The following IQCJ variants were observed in gnomAD, a reference collection of about 807,000 sequenced individuals.
IQCJ encodes the protein IQ domain-containing protein J.
In IQCJ, 9 loss-of-function variants were observed where a neutral mutation model predicts 11.0. The observed-to-expected ratio is 0.82, with a 90% CI of 0.49 to 1.43. IQCJ has a LOEUF of 1.43. Among genes scored for constraint, IQCJ ranks in the 40% most tolerant of loss-of-function variants. The pLI, the probability that IQCJ is intolerant of heterozygous loss-of-function variation, is 0.00. For missense variants in IQCJ, 146 were observed against 133.2 expected (o/e 1.10, Z -0.47); for synonymous variants, 55 against 51.3 (o/e 1.07, Z -0.31).
intron 1 of IQCJ, among the ~76,000 whole-genome samples, chr3:159,091,571 A>T (rs992796738): frequency 1.3e-5 from 2 of 151,498 alleles, no homozygotes; most frequent in Non-Finnish European, 2.9e-5. Flanking sequence ...TTTGAGAGGG[A>T]CACAAACATT....
At chr3:159,137,575 C>T (rs1720369311) in intron 1 of IQCJ, among the ~76,000 whole-genome samples, 1 of 152,120 alleles carries the variant, frequency 6.6e-6, no homozygotes, top group South Asian at 2.1e-4. Context: ...ATCTCTGTTT[C>T]AGCCTTTTAA....
At chr3:159,175,786 C>T (rs1722760260) in intron 1 of IQCJ, among the ~76,000 whole-genome samples, 2 of 152,166 alleles carry the variant, frequency 1.3e-5, no homozygotes, top group South Asian at 4.1e-4. Flanking sequence ...ATGAATAGAG[C>T]TTCTATTTAC....
chr3:159,203,954 T>A (rs1045195740), intron 1 of IQCJ, among the ~76,000 whole-genome samples: 3 of 152,126 alleles, frequency 2.0e-5, no homozygotes, highest in African/African-American at 7.2e-5. Context: ...AATTTTTGTA[T>A]ATTTAACAGG....
At chr3:159,213,151 T>C (rs756694126) in intron 1 of IQCJ, among the ~76,000 whole-genome samples, 2 of 152,120 alleles carry the variant, frequency 1.3e-5, no homozygotes, top group African/African-American at 2.4e-5. Flanking sequence ...CCAGAACAGG[T>C]AAGAATGCCA....
At chr3:159,087,609 C>G (rs1230674460) in intron 1 of IQCJ, among the ~76,000 whole-genome samples, 2 of 147,234 alleles carry the variant, frequency 1.4e-5, no homozygotes, top group African/African-American at 4.9e-5. Flanking sequence ...TGTTATTGGT[C>G]TATTCAGAGA....
At chr3:159,093,194 A>G (rs557836651) in intron 1 of IQCJ, among the ~76,000 whole-genome samples, 2 of 151,808 alleles carry the variant, frequency 1.3e-5, no homozygotes, top group Non-Finnish European at 2.9e-5. Context: ...GTAGGTTAGC[A>G]TATAAACCTG....
At chr3:159,133,071 G>C (rs1317321139) in intron 1 of IQCJ, among the ~76,000 whole-genome samples, 1 of 152,022 alleles carries the variant, frequency 6.6e-6, no homozygotes, top group African/African-American at 2.4e-5. Context: ...AACCATGCAA[G>C]ACATTTGCTT....
At position 159,144,661 on chromosome 3, in the gene IQCJ, G is replaced by GACAC. The variant is rs10561081; in HGVS notation, c.9+75246_9+75249dup. ...AGACGTACACACACATACACACACA[G>GACAC]ACACACACACACACACACACACACA... On this transcript the variant is annotated intron_variant, in intron 1 of 3. Transcript: ENST00000397832. 6.4e-3 allele frequency among the ~76,000 whole-genome samples: 957 copies of GACAC among 150,332 alleles called. 5 individuals carry two copies. The highest frequency in any genetic ancestry group is 0.022 in the African/African-American group (907 of 40,984).
intron 2 of IQCJ, among the ~76,000 whole-genome samples, chr3:159,248,823 T>C (rs2108205150): frequency 6.6e-6 from 1 of 152,286 alleles, no homozygotes; most frequent in South Asian, 2.1e-4. Flanking sequence ...TTGGCCCATT[T>C]ATTTATTAAA....
rs139435025 is a variant in IQCJ at position 159,248,763 on chromosome 3, A to G, written c.74+2856A>G. 9.3e-4 allele frequency among the ~76,000 whole-genome samples: 142 copies of G among 152,338 alleles called. 1 individual carries two copies. Among genetic ancestry groups the G allele is most frequent in the African/African-American group, 3.2e-3 (131 of 41,586 alleles). On this transcript the variant is annotated intron_variant, in intron 2 of 3. Transcript: ENST00000397832. Reference sequence around the variant, plus strand: ...TTTAGGCTCATTTCACTTATTCAATAATCTCCTCATGCAGCTTAATTCTCC... The same window carrying G: ...TTTAGGCTCATTTCACTTATTCAATGATCTCCTCATGCAGCTTAATTCTCC...
chr3:159,154,531 G>A (rs28615425), intron 1 of IQCJ, among the ~76,000 whole-genome samples: 4,408 of 152,096 alleles, frequency 0.029, 207 homozygotes, highest in African/African-American at 0.1. Flanking sequence ...ACTATGTGAG[G>A]CCTTTGAACT....
chr3:159,187,613 A>C lies in IQCJ; in HGVS notation c.10-58230A>C, dbSNP rs184946890. Among the ~76,000 whole-genome samples the C allele has an allele frequency of 8.5e-4, 129 of 152,350 alleles. No homozygotes were observed. The East Asian group carries it at 0.017, about 20-fold the overall frequency. ...TCCATAGGATGAGTTGGAATTGTCC[A>C]TGCTGTAGATGGCAGGAACCTAGAA... On this transcript the variant is annotated intron_variant, in intron 1 of 3. Coordinates refer to ENST00000397832, the MANE Select transcript of IQCJ (RefSeq NM_001042706.3).
In IQCJ at chr3:159,222,842, C is replaced by T. The variant is rs138501207; in HGVS notation, c.10-23001C>T. The stretch of plus-strand genomic sequence containing the variant: ...ACAATAAAAAATTTTCTATAAACAG[C>T]GACCTCTGTATGTACCTGAGATTAC... On this transcript the variant is annotated intron_variant, in intron 1 of 3. Transcript: ENST00000397832. 3.6e-3 allele frequency among the ~76,000 whole-genome samples: 543 copies of T among 151,960 alleles called. 1 individual carries two copies. Among genetic ancestry groups the T allele is most frequent in the Non-Finnish European group, 5.8e-3 (397 of 67,904 alleles).
At chr3:159,073,860 G>A (rs977491722) in intron 1 of IQCJ, among the ~76,000 whole-genome samples, 1 of 152,100 alleles carries the variant, frequency 6.6e-6, no homozygotes, top group Admixed American at 6.6e-5. Context: ...CAATTTCAAT[G>A]CTTATATGTA....
chr3:159,087,840 T>C (rs1354460301), intron 1 of IQCJ, among the ~76,000 whole-genome samples: 1 of 151,648 alleles, frequency 6.6e-6, no homozygotes, highest in African/African-American at 2.4e-5. Context: ...TAGTGGTCTA[T>C]CAATTTTGTT....
At chr3:159,178,404 C>A (rs986386248) in intron 1 of IQCJ, among the ~76,000 whole-genome samples, 2 of 152,156 alleles carry the variant, frequency 1.3e-5, no homozygotes, top group Non-Finnish European at 2.9e-5. Flanking sequence ...CTTACTCTGA[C>A]AACTGAAGGC....
intron 1 of IQCJ, among the ~76,000 whole-genome samples, chr3:159,156,894 T>C (rs1227594972): frequency 6.6e-6 from 1 of 152,206 alleles, no homozygotes; most frequent in Non-Finnish European, 1.5e-5. Flanking sequence ...AATTCAGCTA[T>C]GAGAAGGAGG....
chr3:159,259,991 G>A lies in IQCJ; in HGVS notation c.156-2557G>A, dbSNP rs528348537. ...AACAGCTCCTGTATTAAGAAAGTCA[G>A]TGGGTGCACAGATGTTTTAAATACA... On this transcript the variant is annotated intron_variant, in intron 3 of 3. Transcript: ENST00000397832. Among the ~76,000 whole-genome samples the A allele has an allele frequency of 8.7e-4, 132 of 152,336 alleles. 3 individuals are homozygous for A. Among genetic ancestry groups the A allele is most frequent in the Admixed American group, 8.6e-3 (131 of 15,306 alleles).
Position 159,132,437 on chromosome 3 carries a change from A to G in IQCJ, c.9+62996A>G, listed in dbSNP as rs145059588. Among the ~76,000 whole-genome samples, 3 of 152,360 alleles carry G rather than the reference A, an allele frequency of 2.0e-5. No individual in the cohort carries two copies. The East Asian group carries it at 5.8e-4, about 29-fold the overall frequency. On this transcript the variant is annotated intron_variant, in intron 1 of 3. Coordinates refer to ENST00000397832, the MANE Select transcript of IQCJ (RefSeq NM_001042706.3). ...TGATTGAGTTAACACAATTAATTTT[A>G]TAGCATCTCCTCTGGTAATCACAAA...
Sources: gnomAD v4.1 joint callset for allele counts (sites outside exome capture counted in the v4.1 genomes callset) on GRCh38, gnomAD v4.1.1 for gene constraint, MANE v1.5 for transcripts, NCBI Gene and HGNC (gene_info 2026-07-23, HGNC 2026-07-21) for gene names.